Variants in SELENOF observed in about 807,000 individuals in gnomAD.
The protein encoded by SELENOF is selenoprotein F, also known as 15 kDa selenoprotein.
A neutral mutation model predicts 20.5 loss-of-function variants in SELENOF; 16 were observed. That is an observed-to-expected ratio of 0.78 (90% CI 0.53 to 1.19). The LOEUF (loss-of-function observed/expected upper bound fraction) is 1.19. SELENOF is among the 50% of genes most tolerant of loss of function. The pLI, the probability that SELENOF is intolerant of heterozygous loss-of-function variation, is 0.00. For synonymous variants in SELENOF, 78 were observed against 74.5 expected (o/e 1.05, Z -0.24); for missense variants, 215 against 194.2 (o/e 1.11, Z -0.64).
intron 3 of SELENOF, among the ~76,000 whole-genome samples, chr1:86,873,634 T>C (rs976330359): frequency 6.6e-6 from 1 of 152,172 alleles, no homozygotes; most frequent in African/African-American, 2.4e-5. Flanking sequence ...GCAGATCACC[T>C]GAGGTCGAGA....
chr1:86,914,381 C>A, upstream of SELENOF: 2 of 509,362 alleles, frequency 3.9e-6, no homozygotes, highest in East Asian at 6.7e-5. Flanking sequence ...GTCAAGCAGC[C>A]AAGAAGCCAC....
chr1:86,903,793 G>A (rs1474452453), intron 1 of SELENOF, among the ~76,000 whole-genome samples: 1 of 151,946 alleles, frequency 6.6e-6, no homozygotes, highest in Non-Finnish European at 1.5e-5. Flanking sequence ...CGGGGGCCAC[G>A]ATGGTCTTGA....
intron 3 of SELENOF, among the ~76,000 whole-genome samples, chr1:86,873,251 C>T (rs893228784): frequency 2.0e-5 from 3 of 152,048 alleles, no homozygotes; most frequent in Admixed American, 1.3e-4. Flanking sequence ...AGCGAGACTC[C>T]GTCTCAAAGA....
chr1:86,869,837 C>G (rs1011600755), intron 3 of SELENOF, among the ~76,000 whole-genome samples: 1 of 151,924 alleles, frequency 6.6e-6, no homozygotes, highest in Non-Finnish European at 1.5e-5. Flanking sequence ...TGCAGTGGCG[C>G]AATCTCGGCT....
chr1:86,872,151 TAGTG>T (rs140460623), intron 3 of SELENOF, among the ~76,000 whole-genome samples: 1,745 of 152,310 alleles, frequency 0.011, 21 homozygotes, highest in African/African-American at 0.039. Flanking sequence ...TTCAAAAGTT[TAGTG>T]AGTATTAACC....
At chr1:86,881,199 T>C (rs1009020153) in intron 2 of SELENOF, among the ~76,000 whole-genome samples, 1 of 151,308 alleles carries the variant, frequency 6.6e-6, no homozygotes, top group Non-Finnish European at 1.5e-5. Flanking sequence ...GAAAGTACTA[T>C]GTGGAGATAT....
At chr1:86,901,030 C>T (rs2102123210) in intron 2 of SELENOF, among the ~76,000 whole-genome samples, 1 of 152,274 alleles carries the variant, frequency 6.6e-6, no homozygotes, top group East Asian at 1.9e-4. Context: ...GTAGCTGGTA[C>T]TATAGGCGTA....
intron 4 of SELENOF, among the ~76,000 whole-genome samples, chr1:86,864,730 G>A (rs934574199): frequency 6.6e-6 from 1 of 151,068 alleles, no homozygotes; most frequent in Non-Finnish European, 1.5e-5. Context: ...TCTGCCTCCT[G>A]GGTTCAAGCA....
chr1:86,883,418 G>C (rs540562154), intron 2 of SELENOF, among the ~76,000 whole-genome samples: 13 of 152,096 alleles, frequency 8.5e-5, no homozygotes, highest in Non-Finnish European at 1.6e-4. Context: ...ACTTAAAAAT[G>C]GTTAAAATAG....
Position 86,903,412 on chromosome 1 carries a change from A to C in SELENOF, c.121T>G (p.Cys41Gly). 1 of 1,609,366 alleles carries C rather than the reference A, an allele frequency of 6.2e-7. No homozygotes were observed. The highest frequency in any genetic ancestry group is 8.5e-7 in the Non-Finnish European group (1 of 1,178,064). ...TTGCTAGAAAAGCCTAACTCTCTGC[A>C]TGCCTCCGATGAAAACTCTGCCCCA... ...AFGAEFSSEA[C>G]RELGFSSNLL... The change falls in exon 2 of 5, where the codon TGC (cysteine) becomes GGC (glycine). Residue 41 changes from cysteine to glycine, a missense_variant. Physicochemically the swap from Cys to Gly is radical, Grantham distance 159 (BLOSUM62 -3). Transcript: ENST00000331835.
intron 1 of SELENOF, among the ~76,000 whole-genome samples, chr1:86,911,784 A>AT (rs34486690): frequency 0.028 from 3,888 of 140,058 alleles, 80 homozygotes; most frequent in African/African-American, 0.056. Flanking sequence ...TAAAATGACT[A>AT]TTTTTTTTTT....
At chr1:86,900,674 A>C (rs563067782) in intron 2 of SELENOF, among the ~76,000 whole-genome samples, 1 of 149,684 alleles carries the variant, frequency 6.7e-6, no homozygotes, top group Non-Finnish European at 1.5e-5. Flanking sequence ...AGACGGAGAC[A>C]GAGACGGAGA....
chr1:86,898,999 C>A (rs1196456854), intron 2 of SELENOF, among the ~76,000 whole-genome samples: 1 of 151,978 alleles, frequency 6.6e-6, no homozygotes, highest in Non-Finnish European at 1.5e-5. Flanking sequence ...AAGGAGCATG[C>A]CGCCTTCAAG....
At chr1:86,880,435 A>G (rs950090414) in intron 3 of SELENOF, among the ~76,000 whole-genome samples, 7 of 152,122 alleles carry the variant, frequency 4.6e-5, no homozygotes, top group African/African-American at 1.7e-4. Context: ...GTGACCCACC[A>G]CGCCTGGCCT....
At chr1:86,893,827 G>A (rs1258381665) in intron 2 of SELENOF, among the ~76,000 whole-genome samples, 2 of 152,158 alleles carry the variant, frequency 1.3e-5, no homozygotes, top group African/African-American at 4.8e-5. Context: ...TATAAAGCAG[G>A]TGACTTAAAT....
intron 3 of SELENOF, among the ~76,000 whole-genome samples, chr1:86,873,870 A>G (rs1658853299): frequency 6.7e-6 from 1 of 149,276 alleles, no homozygotes; most frequent in Admixed American, 6.6e-5. Flanking sequence ...AAAAAAAAAA[A>G]ATTATTTAAA....
At chr1:86,885,966 T>A (rs755116177) in intron 2 of SELENOF, among the ~76,000 whole-genome samples, 39 of 152,206 alleles carry the variant, frequency 2.6e-4, no homozygotes, top group Non-Finnish European at 3.5e-4. Flanking sequence ...ACAGTATTGG[T>A]TAAGTTCAAG....
intron 2 of SELENOF, among the ~76,000 whole-genome samples, chr1:86,901,202 A>G (rs1471919178): frequency 6.6e-6 from 1 of 152,206 alleles, no homozygotes. Context: ...GCCTTAAGCC[A>G]GAGTTGAGTG....
At chr1:86,872,448 AACCTCC>A (rs1308816951) in intron 3 of SELENOF, among the ~76,000 whole-genome samples, 1 of 151,952 alleles carries the variant, frequency 6.6e-6, no homozygotes, top group East Asian at 1.9e-4. Context: ...GGCTCACCGC[AACCTCC>A]GCCTCTCGGG....
Sources: allele counts gnomAD v4.1 joint callset (sites outside exome capture counted in the v4.1 genomes callset), GRCh38; gene constraint gnomAD v4.1.1; transcripts MANE v1.5; gene names NCBI Gene and HGNC (gene_info 2026-07-23, HGNC 2026-07-21).